FHIP1A: variants seen among roughly 807,000 people sequenced by gnomAD.
The protein encoded by FHIP1A is FHF complex subunit HOOK-interacting protein 1A.
Under a neutral mutation model 88.6 loss-of-function variants are expected in FHIP1A, and 61 were observed. The observed-to-expected ratio is 0.69, with a 90% CI of 0.56 to 0.85. FHIP1A has a LOEUF of 0.85. Ranked by LOEUF, FHIP1A falls within the 40% of genes least tolerant of loss-of-function variation. The pLI is 0.00. For synonymous variants in FHIP1A, 478 were observed against 496.0 expected (o/e 0.96, Z 0.48); for missense variants, 1,154 against 1,273.5 (o/e 0.91, Z 1.43).
intron 7 of FHIP1A, among the ~76,000 whole-genome samples, chr4:151,612,537 C>T (rs896690039): frequency 2.6e-5 from 4 of 152,204 alleles, no homozygotes; most frequent in East Asian, 3.9e-4. Context: ...TGCACCACTA[C>T]GCCTGGCTAA....
chr4:151,544,907 T>C (rs1732431387), intron 3 of FHIP1A, among the ~76,000 whole-genome samples: 1 of 152,064 alleles, frequency 6.6e-6, no homozygotes, highest in African/African-American at 2.4e-5. Context: ...GGAGACCCCC[T>C]ATCTACAAAA....
chr4:151,484,796 A>G (rs968557162), intron 3 of FHIP1A, among the ~76,000 whole-genome samples: 2 of 152,236 alleles, frequency 1.3e-5, no homozygotes, highest in South Asian at 2.1e-4. Flanking sequence ...AGATAATTGT[A>G]TATTTGAATA....
rs1450928746 is a variant in FHIP1A, at chr4:151,664,256, C to T, written c.*1502C>T. Among the ~76,000 whole-genome samples, 3 of 152,196 alleles carry T rather than the reference C, an allele frequency of 2.0e-5. No individual in the cohort carries two copies. The highest frequency in any genetic ancestry group is 7.2e-5 in the African/African-American group (3 of 41,450). ...TGTGCCTCAGGAGCACTGGTTTGGT[C>T]TTAATCAGGCCTTTCATGCACAGGC... On this transcript the variant is annotated 3_prime_UTR_variant, in exon 14 of 14. Coordinates refer to ENST00000435205, the MANE Select transcript of FHIP1A (RefSeq NM_001109977.3).
intron 8 of FHIP1A, among the ~76,000 whole-genome samples, chr4:151,635,650 A>G (rs886946147): frequency 1.3e-5 from 2 of 151,936 alleles, no homozygotes; most frequent in African/African-American, 4.8e-5. Context: ...AAACTGTAGG[A>G]TTCCACTCAT....
At chr4:151,446,595 T>C (rs1728616696) in intron 1 of FHIP1A, among the ~76,000 whole-genome samples, 1 of 150,880 alleles carries the variant, frequency 6.6e-6, no homozygotes, top group African/African-American at 2.4e-5. Flanking sequence ...TTTTTTTTTT[T>C]TTTTTGGTTG....
At chr4:151,590,821 A>T (rs558497975) in intron 7 of FHIP1A, among the ~76,000 whole-genome samples, 2 of 152,318 alleles carry the variant, frequency 1.3e-5, no homozygotes, top group East Asian at 3.9e-4. Flanking sequence ...GAGTTTTGAA[A>T]CCATAAAGTT....
intron 1 of FHIP1A, among the ~76,000 whole-genome samples, chr4:151,429,848 C>CAAAAAAA (rs34699507): frequency 9.5e-6 from 1 of 105,604 alleles, no homozygotes; most frequent in Non-Finnish European, 1.9e-5. Flanking sequence ...GACTCTATCT[C>CAAAAAAA]AAAAAAAAAA....
At chr4:151,492,456 G>A (rs779718310) in intron 3 of FHIP1A, among the ~76,000 whole-genome samples, 1 of 151,974 alleles carries the variant, frequency 6.6e-6, no homozygotes, top group Admixed American at 6.6e-5. Context: ...GCTGGGTGTT[G>A]TGGTGTGCAC....
intron 2 of FHIP1A, among the ~76,000 whole-genome samples, chr4:151,473,005 C>A (rs1042352807): frequency 6.6e-6 from 1 of 152,136 alleles, no homozygotes; most frequent in African/African-American, 2.4e-5. Context: ...TTTCTCCCTT[C>A]CAAAAAACCC....
intron 7 of FHIP1A, among the ~76,000 whole-genome samples, chr4:151,619,016 G>A (rs1234328672): frequency 2.0e-5 from 3 of 152,184 alleles, no homozygotes; most frequent in Non-Finnish European, 4.4e-5. Flanking sequence ...GGATGGCCTG[G>A]CTTTGATGAG....
At position 151,427,620 on chromosome 4, in the gene FHIP1A, G is replaced by T. The variant is rs903034750; in HGVS notation, c.-356+18155G>T. Among the ~76,000 whole-genome samples, 10 of 151,986 alleles carry T rather than the reference G, an allele frequency of 6.6e-5. No homozygotes were observed. The East Asian group carries it at 1.2e-3, about 18-fold the overall frequency. On this transcript the variant is annotated intron_variant, in intron 1 of 13. Coordinates refer to ENST00000435205, the MANE Select transcript of FHIP1A (RefSeq NM_001109977.3). ...TACTTTAAAATTTTAATTTTAATTT[G>T]AATTTTTTTTGCCCTCTCAACCCCA... is the stretch of plus-strand genomic sequence containing the variant.
At chr4:151,613,420 G>C (rs368906908) in intron 7 of FHIP1A, among the ~76,000 whole-genome samples, 3 of 152,230 alleles carry the variant, frequency 2.0e-5, no homozygotes, top group South Asian at 4.2e-4. Context: ...TCTGTCAAGC[G>C]GGATAACTTG....
chr4:151,662,802 T>C lies in FHIP1A; in HGVS notation c.*48T>C. On this transcript the variant is annotated 3_prime_UTR_variant, in exon 14 of 14. Transcript: ENST00000435205. ...AGGTTCTTGTTTTGTAAGGTTTTAG[T>C]GTCTTGACTGAATGTTAAATGCAAA... 1.4e-6 allele frequency: 2 copies of C among 1,395,082 alleles called. No individual in the cohort carries two copies. The highest frequency in any genetic ancestry group is 1.9e-6 in the Non-Finnish European group (2 of 1,057,454). The allele number at this position is 1,395,082 out of a possible 1,614,324, so 86.4% of individuals were successfully genotyped here. A position where few individuals can be genotyped will look rare whatever the true frequency, so the allele number is the denominator to read the frequency against.
intron 13 of FHIP1A, among the ~76,000 whole-genome samples, chr4:151,659,502 G>A (rs1737373557): frequency 2.0e-5 from 3 of 152,162 alleles, no homozygotes; most frequent in African/African-American, 7.2e-5. Flanking sequence ...GCCTAATGCT[G>A]CTGCCAGGGA....
In FHIP1A at chr4:151,669,782, T is replaced by G. The variant is rs1322950266; in HGVS notation, c.*7028T>G. On this transcript the variant is annotated 3_prime_UTR_variant, in exon 14 of 14. Coordinates refer to ENST00000435205, the MANE Select transcript of FHIP1A (RefSeq NM_001109977.3). Reference sequence around the variant, plus strand: ...GTCACTAATTTTTTTAAACGACTTTTTTTAAAAAGCCACCTCCTCATGCCT... The same window carrying G: ...GTCACTAATTTTTTTAAACGACTTTGTTTAAAAAGCCACCTCCTCATGCCT... 6.6e-6 allele frequency: 1 copy of G among 152,296 alleles called. No individual in the cohort carries two copies. Among genetic ancestry groups the G allele is most frequent in the South Asian group, 2.1e-4 (1 of 4,820 alleles). 9.4% of individuals were successfully genotyped at this position (152,296 alleles called of 1,614,324 possible).
intron 1 of FHIP1A, among the ~76,000 whole-genome samples, chr4:151,449,549 C>G (rs1728722212): frequency 6.6e-6 from 1 of 152,076 alleles, no homozygotes; most frequent in Admixed American, 6.6e-5. Context: ...TCAAAAACCT[C>G]TCTCCTAACT....
chr4:151,626,213 G>A (rs1014150513), intron 7 of FHIP1A, among the ~76,000 whole-genome samples: 3 of 152,068 alleles, frequency 2.0e-5, no homozygotes, highest in Non-Finnish European at 4.4e-5. Context: ...TTGGAATCTG[G>A]TCTAAACCAT....
intron 2 of FHIP1A, among the ~76,000 whole-genome samples, chr4:151,461,659 A>G (rs1729145846): frequency 6.6e-6 from 1 of 152,182 alleles, no homozygotes; most frequent in African/African-American, 2.4e-5. Flanking sequence ...AAAATGGAAA[A>G]GAATGTAGGG....
intron 3 of FHIP1A, among the ~76,000 whole-genome samples, chr4:151,540,260 A>G (rs1732235882): frequency 6.6e-6 from 1 of 152,218 alleles, no homozygotes; most frequent in South Asian, 2.1e-4. Flanking sequence ...CTGTAGTTCC[A>G]TCCCACAGAG....
Sources: allele counts gnomAD v4.1 joint callset (sites outside exome capture counted in the v4.1 genomes callset), GRCh38; gene constraint gnomAD v4.1.1; transcripts MANE v1.5; gene names NCBI Gene and HGNC (gene_info 2026-07-23, HGNC 2026-07-21).